Variants in FSTL5 observed in about 807,000 individuals in gnomAD.
The protein encoded by FSTL5 is follistatin-related protein 5.
In FSTL5, 62 loss-of-function variants were observed where a neutral mutation model predicts 89.1. That is an observed-to-expected ratio of 0.70 (90% CI 0.57 to 0.86). The LOEUF (loss-of-function observed/expected upper bound fraction) is 0.86, where lower values mean the gene tolerates loss of function less well. Among genes scored for constraint, FSTL5 ranks in the 40% least tolerant of loss-of-function variants. FSTL5 has a pLI of 0.00. For missense variants in FSTL5, 1,057 were observed against 1,001.6 expected (o/e 1.06, Z -0.75); for synonymous variants, 383 against 346.2 (o/e 1.11, Z -1.18).
chr4:161,705,214 A>G (rs1270692458), intron 6 of FSTL5, among the ~76,000 whole-genome samples: 1 of 152,094 alleles, frequency 6.6e-6, no homozygotes, highest in Admixed American at 6.6e-5. Context: ...ATGTATTTAG[A>G]TTTATATTGG....
intron 10 of FSTL5, among the ~76,000 whole-genome samples, chr4:161,532,065 C>T (rs28437634): frequency 0.027 from 4,080 of 151,776 alleles, 173 homozygotes; most frequent in African/African-American, 0.092. Context: ...ATTAGCCGGG[C>T]GTGGTGGTGG....
At chr4:162,109,152 C>A (rs1322613417) in intron 2 of FSTL5, among the ~76,000 whole-genome samples, 1 of 151,858 alleles carries the variant, frequency 6.6e-6, no homozygotes, top group East Asian at 1.9e-4. Context: ...AAAAGGAAGG[C>A]CAGAAATTTC....
chr4:161,932,606 CT>C (rs1395591576), intron 3 of FSTL5, among the ~76,000 whole-genome samples: 1 of 151,536 alleles, frequency 6.6e-6, no homozygotes, highest in Admixed American at 6.6e-5. Flanking sequence ...ATTTTTCCAT[CT>C]TTGTGTCTTA....
intron 1 of FSTL5, among the ~76,000 whole-genome samples, chr4:162,143,883 G>GT (rs1384713828): frequency 6.6e-6 from 1 of 151,668 alleles, no homozygotes; most frequent in East Asian, 1.9e-4. Context: ...ACTATCTCAA[G>GT]TTTTTTGTAT....
chr4:161,965,463 T>C (rs780118757), intron 3 of FSTL5, among the ~76,000 whole-genome samples: 24 of 152,252 alleles, frequency 1.6e-4, no homozygotes, highest in Admixed American at 7.9e-4. Flanking sequence ...TTACTTTTGA[T>C]GTAATCATTT....
At chr4:161,431,746 T>G (rs1047795871) in intron 15 of FSTL5, among the ~76,000 whole-genome samples, 3 of 151,934 alleles carry the variant, frequency 2.0e-5, no homozygotes, top group Non-Finnish European at 4.4e-5. Flanking sequence ...AAGACACACA[T>G]AGACTGAAAA....
chr4:161,966,516 T>C (rs768744843), intron 3 of FSTL5, among the ~76,000 whole-genome samples: 2 of 152,116 alleles, frequency 1.3e-5, no homozygotes, highest in Non-Finnish European at 2.9e-5. Flanking sequence ...ACAGAGATGA[T>C]AAAGTTACTT....
intron 4 of FSTL5, among the ~76,000 whole-genome samples, chr4:161,896,984 A>G (rs1239664813): frequency 1.3e-5 from 2 of 152,032 alleles, no homozygotes; most frequent in African/African-American, 4.8e-5. Flanking sequence ...CTAGGCTGGA[A>G]TGCAGTGGCA....
intron 4 of FSTL5, among the ~76,000 whole-genome samples, chr4:161,793,386 C>T (rs570855150): frequency 2.0e-5 from 3 of 152,254 alleles, no homozygotes; most frequent in Admixed American, 2.0e-4. Flanking sequence ...TCCTGTAACA[C>T]TTAAATTTGT....
At chr4:161,841,336 T>C (rs2126871935) in intron 4 of FSTL5, among the ~76,000 whole-genome samples, 1 of 152,324 alleles carries the variant, frequency 6.6e-6, no homozygotes, top group African/African-American at 2.4e-5. Flanking sequence ...AAAAGTATTG[T>C]ACAAAATATA....
intron 13 of FSTL5, among the ~76,000 whole-genome samples, chr4:161,470,250 T>G (rs1002213246): frequency 6.6e-6 from 1 of 152,198 alleles, no homozygotes; most frequent in African/African-American, 2.4e-5. Flanking sequence ...GGTCTTTTAT[T>G]AATTTTGTGT....
intron 4 of FSTL5, among the ~76,000 whole-genome samples, chr4:161,903,806 G>A (rs1342973783): frequency 6.6e-6 from 1 of 151,316 alleles, no homozygotes; most frequent in Non-Finnish European, 1.5e-5. Context: ...AAGATGCCTA[G>A]ATCAATTATA....
intron 3 of FSTL5, among the ~76,000 whole-genome samples, chr4:161,927,174 CAATT>C (rs1257695184): frequency 1.3e-5 from 2 of 151,490 alleles, no homozygotes; most frequent in Non-Finnish European, 3.0e-5. Context: ...GAAAATAAAT[CAATT>C]AACATAAATA....
intron 12 of FSTL5, among the ~76,000 whole-genome samples, chr4:161,496,602 G>T (rs972601789): frequency 6.6e-6 from 1 of 152,124 alleles, no homozygotes; most frequent in African/African-American, 2.4e-5. Context: ...TTCAACTCCT[G>T]TGTAGGTTTC....
intron 2 of FSTL5, among the ~76,000 whole-genome samples, chr4:162,054,995 A>G (rs1334162132): frequency 6.6e-6 from 1 of 151,930 alleles, no homozygotes; most frequent in Non-Finnish European, 1.5e-5. Context: ...TAACTCTGTG[A>G]CAAATGGTGC....
At chr4:161,691,979 C>G (rs1737958124) in intron 6 of FSTL5, among the ~76,000 whole-genome samples, 1 of 151,310 alleles carries the variant, frequency 6.6e-6, no homozygotes, top group Non-Finnish European at 1.5e-5. Context: ...TATGTATATT[C>G]AAAATAAATA....
intron 1 of FSTL5, 89 bp from the exon 2 acceptor site, chr4:162,111,501 T>C (rs1326936603): frequency 2.0e-6 from 2 of 994,870 alleles, no homozygotes; most frequent in East Asian, 5.5e-5. Flanking sequence ...CACATATAAA[T>C]CTCCATTAAT....
rs555020870 is a variant in FSTL5 at position 161,385,544 on chromosome 4, T to C, written c.*203A>G. ...TGATGTGATTTCTCATTAAATATTGTGCTGAGTATTTCTAATTAACCAATA... is the reference window on the plus strand; with the variant it reads ...TGATGTGATTTCTCATTAAATATTGCGCTGAGTATTTCTAATTAACCAATA... On this transcript the variant is annotated 3_prime_UTR_variant, in exon 16 of 16. Transcript: ENST00000306100. The C allele has an allele frequency of 1.3e-4, 65 of 504,272 alleles. No homozygotes were observed. Among genetic ancestry groups the C allele is most frequent in the South Asian group, 9.8e-4 (27 of 27,538 alleles). 31.2% of individuals were successfully genotyped at this position (504,272 alleles called of 1,614,324 possible).
intron 4 of FSTL5, among the ~76,000 whole-genome samples, chr4:161,779,821 A>ATATATGTATGTATATATATATATATATG (rs1741590327): frequency 1.6e-5 from 1 of 63,362 alleles, no homozygotes; most frequent in Non-Finnish European, 2.7e-5. Context: ...GTATATATAT[A>ATATATGTATGTATATATATATATATATG]TATATATATA....
Sources: allele counts gnomAD v4.1 joint callset (sites outside exome capture counted in the v4.1 genomes callset), GRCh38; gene constraint gnomAD v4.1.1; transcripts MANE v1.5; gene names NCBI Gene and HGNC (gene_info 2026-07-23, HGNC 2026-07-21).